CNTNAP2: variants seen among roughly 807,000 people sequenced by gnomAD.
The protein encoded by CNTNAP2 is contactin associated protein 2, also known as contactin-associated protein-like 2.
CNTNAP2 carries 98 observed loss-of-function variants against 155.2 expected under a neutral mutation model. That is an observed-to-expected ratio of 0.63 (90% CI 0.54 to 0.75). The LOEUF is 0.75. Among genes scored for constraint, CNTNAP2 ranks in the 30% least tolerant of loss-of-function variants. CNTNAP2 has a pLI of 0.00. For missense variants in CNTNAP2, 1,727 were observed against 1,688.1 expected (o/e 1.02, Z -0.40); for synonymous variants, 651 against 631.2 (o/e 1.03, Z -0.47).
intron 8 of CNTNAP2, among the ~76,000 whole-genome samples, chr7:147,206,141 G>GT (rs1420980325): frequency 6.6e-6 from 1 of 151,494 alleles, no homozygotes; most frequent in Non-Finnish European, 1.5e-5. Flanking sequence ...AAAAAGAAAC[G>GT]TAAAAACTTC....
intron 8 of CNTNAP2, among the ~76,000 whole-genome samples, chr7:147,152,828 T>C (rs1198425254): frequency 6.6e-6 from 1 of 152,078 alleles, no homozygotes; most frequent in Admixed American, 6.6e-5. Context: ...ACTGTATTAT[T>C]TAAAATGGGG....
intron 13 of CNTNAP2, among the ~76,000 whole-genome samples, chr7:147,680,565 A>G (rs972762332): frequency 6.6e-6 from 1 of 151,918 alleles, no homozygotes; most frequent in Non-Finnish European, 1.5e-5. Flanking sequence ...GTACACCCGG[A>G]GTAGATTCAG....
rs548281436 is a variant in CNTNAP2 at position 146,636,168 on chromosome 7, G to GT, written c.98-138102dup. 2.5e-3 allele frequency among the ~76,000 whole-genome samples: 380 copies of GT among 151,388 alleles called. 2 individuals are homozygous for GT. The highest frequency in any genetic ancestry group is 8.8e-3 in the African/African-American group (364 of 41,156). On this transcript the variant is annotated intron_variant, in intron 1 of 23. Coordinates refer to ENST00000361727, the MANE Select transcript of CNTNAP2 (RefSeq NM_014141.6). Reference sequence around the variant, plus strand: ...AGTAGGGGAGAGGTGGACTACAGCGGTGCCCACAGGAATTCTGGGCAGGGC... The same window carrying GT: ...AGTAGGGGAGAGGTGGACTACAGCGGTTGCCCACAGGAATTCTGGGCAGGGC...
intron 17 of CNTNAP2, among the ~76,000 whole-genome samples, chr7:148,155,094 C>T (rs551150147): frequency 6.6e-6 from 1 of 152,308 alleles, no homozygotes; most frequent in African/African-American, 2.4e-5. Context: ...CATGCTTCCC[C>T]TCAATGAGTC....
intron 21 of CNTNAP2, among the ~76,000 whole-genome samples, chr7:148,344,439 A>G (rs1295232473): frequency 1.3e-5 from 2 of 151,982 alleles, no homozygotes; most frequent in Non-Finnish European, 2.9e-5. Context: ...CTATAAAAGC[A>G]CCTTGCCCCA....
At chr7:146,702,980 C>A (rs1310953609) in intron 1 of CNTNAP2, among the ~76,000 whole-genome samples, 1 of 152,056 alleles carries the variant, frequency 6.6e-6, no homozygotes, top group Non-Finnish European at 1.5e-5. Flanking sequence ...GAGAGTTTCT[C>A]TTTTTACGTG....
intron 8 of CNTNAP2, among the ~76,000 whole-genome samples, chr7:147,283,818 G>A (rs1359957335): frequency 1.3e-5 from 2 of 151,810 alleles, no homozygotes; most frequent in Admixed American, 1.3e-4. Context: ...AAGTGGCTAT[G>A]AATTCCCTTT....
At chr7:146,976,286 C>T (rs1166300399) in intron 3 of CNTNAP2, among the ~76,000 whole-genome samples, 2 of 152,160 alleles carry the variant, frequency 1.3e-5, no homozygotes, top group South Asian at 4.1e-4. Context: ...TGGACACAAG[C>T]TGACTGTCCT....
At chr7:147,141,155 G>GT (rs2129287312) in intron 8 of CNTNAP2, among the ~76,000 whole-genome samples, 1 of 152,128 alleles carries the variant, frequency 6.6e-6, no homozygotes, top group Non-Finnish European at 1.5e-5. Flanking sequence ...CATTCTTCTG[G>GT]TGACACGAGT....
intron 13 of CNTNAP2, among the ~76,000 whole-genome samples, chr7:147,694,000 T>C (rs977699352): frequency 2.6e-5 from 4 of 152,042 alleles, no homozygotes; most frequent in Admixed American, 2.6e-4. Context: ...TTTTATCAAG[T>C]AGGAAGCTCC....
At chr7:146,142,376 G>A (rs902125323) in intron 1 of CNTNAP2, among the ~76,000 whole-genome samples, 9 of 152,138 alleles carry the variant, frequency 5.9e-5, no homozygotes, top group South Asian at 2.1e-4. Context: ...CTTCAGTGAG[G>A]CATCTTTGTG....
intron 13 of CNTNAP2, among the ~76,000 whole-genome samples, chr7:147,876,426 A>T (rs149722628): frequency 6.6e-6 from 1 of 152,304 alleles, no homozygotes; most frequent in African/African-American, 2.4e-5. Context: ...TTGCATGGGA[A>T]CTTCGATTTG....
At chr7:146,854,082 C>T (rs1794931934) in intron 3 of CNTNAP2, among the ~76,000 whole-genome samples, 2 of 152,130 alleles carry the variant, frequency 1.3e-5, no homozygotes, top group Admixed American at 1.3e-4. Context: ...GCTGGGAATA[C>T]TGACTGTAGC....
At chr7:146,340,168 CAAAAAAAAA>C (rs1195946572) in intron 1 of CNTNAP2, among the ~76,000 whole-genome samples, 1 of 54,894 alleles carries the variant, frequency 1.8e-5, no homozygotes, top group African/African-American at 5.6e-5. Context: ...GACTCCGCCT[CAAAAAAAAA>C]AAAAAAAAAA....
intron 1 of CNTNAP2, among the ~76,000 whole-genome samples, chr7:146,702,465 C>T (rs2129173528): frequency 6.6e-6 from 1 of 152,200 alleles, no homozygotes; most frequent in South Asian, 2.1e-4. Flanking sequence ...TACTCTGAGT[C>T]AGAGCTGTCT....
At chr7:147,204,094 A>G (rs1802973626) in intron 8 of CNTNAP2, among the ~76,000 whole-genome samples, 1 of 151,966 alleles carries the variant, frequency 6.6e-6, no homozygotes, top group African/African-American at 2.4e-5. Context: ...AAAATTTCAA[A>G]AAGACTTTTT....
intron 3 of CNTNAP2, among the ~76,000 whole-genome samples, chr7:146,848,962 G>A (rs767652152): frequency 4.6e-5 from 7 of 152,030 alleles, no homozygotes; most frequent in South Asian, 2.1e-4. Context: ...TAGTAGAGAC[G>A]TAGAGACGGG....
At chr7:148,232,535 CAG>C (rs757186417) in intron 20 of CNTNAP2, among the ~76,000 whole-genome samples, 16 of 152,284 alleles carry the variant, frequency 1.1e-4, no homozygotes, top group Admixed American at 6.5e-4. Flanking sequence ...TATAATCAAA[CAG>C]AAATATGAAA....
intron 3 of CNTNAP2, among the ~76,000 whole-genome samples, chr7:146,940,063 C>T (rs944130497): frequency 2.0e-5 from 3 of 152,042 alleles, no homozygotes; most frequent in Non-Finnish European, 4.4e-5. Context: ...TTAGAAAGTA[C>T]GAAAGGAGTG....
Sources: gnomAD v4.1 joint callset for allele counts (sites outside exome capture counted in the v4.1 genomes callset) on GRCh38, gnomAD v4.1.1 for gene constraint, MANE v1.5 for transcripts, NCBI Gene and HGNC (gene_info 2026-07-23, HGNC 2026-07-21) for gene names.